The following KAZN variants were observed in gnomAD, a reference collection of about 807,000 sequenced individuals.
KAZN encodes the protein kazrin.
In KAZN, 40 loss-of-function variants were observed where a neutral mutation model predicts 87.4. That is an observed-to-expected ratio of 0.46 (90% CI 0.36 to 0.60). KAZN has a LOEUF of 0.60. KAZN is among the 20% of genes least tolerant of loss of function. KAZN has a pLI of 0.00. For missense variants in KAZN, 898 were observed against 1,073.9 expected, an observed-to-expected ratio of 0.84 and a Z score of 2.29; for synonymous variants, 466 against 458.3, an observed-to-expected ratio of 1.02 and a Z score of -0.22.
intron 2 of KAZN, among the ~76,000 whole-genome samples, chr1:14,222,702 C>T (rs1647132600): frequency 6.6e-6 from 1 of 152,188 alleles, no homozygotes. Context: ...TTTGGGGATT[C>T]AGCACAGATC....
chr1:14,444,306 ATTTTTTTT>A (rs35461813), intron 2 of KAZN, among the ~76,000 whole-genome samples: 1 of 95,238 alleles, frequency 1.0e-5, no homozygotes, highest in Admixed American at 1.3e-4. Flanking sequence ...TAAATTCATG[ATTTTTTTT>A]TTTTTTTTTT....
At chr1:14,183,648 G>A (rs941960385) in intron 2 of KAZN, among the ~76,000 whole-genome samples, 3 of 152,058 alleles carry the variant, frequency 2.0e-5, no homozygotes, top group African/African-American at 4.8e-5. Context: ...GTGTGACTCC[G>A]CATGCTAAGA....
chr1:14,365,060 T>G (rs1024921365), intron 2 of KAZN, among the ~76,000 whole-genome samples: 1 of 151,850 alleles, frequency 6.6e-6, no homozygotes, highest in East Asian at 1.9e-4. Flanking sequence ...TTTTTTTTTT[T>G]TGTGACGGAG....
intron 1 of KAZN, among the ~76,000 whole-genome samples, chr1:14,654,656 C>G (rs1638675525): frequency 6.6e-6 from 1 of 152,236 alleles, no homozygotes; most frequent in African/African-American, 2.4e-5. Flanking sequence ...CTCCTCCTCC[C>G]TGGACAGAGA....
At chr1:14,683,663 A>G (rs1640801558) in intron 1 of KAZN, among the ~76,000 whole-genome samples, 1 of 152,160 alleles carries the variant, frequency 6.6e-6, no homozygotes. Context: ...GGACTGTCTC[A>G]TCTTCTCCCC....
Position 14,385,783 on chromosome 1 carries a change from T to C in KAZN, c.249+205191T>C, listed in dbSNP as rs1256919558. 3.3e-5 allele frequency among the ~76,000 whole-genome samples: 5 copies of C among 150,538 alleles called. No individual in the cohort carries two copies. In the East Asian group the frequency reaches 7.9e-4, roughly 24 times the overall value. On this transcript the variant is annotated intron_variant, in intron 2 of 16. Coordinates refer to the KAZN transcript ENST00000636203. ...GTGGTGTGGTGCTGAAAAAAATGTATATTCTGTTGATTTGGGGTGGAGAGT... is the reference window on the plus strand; with the variant it reads ...GTGGTGTGGTGCTGAAAAAAATGTACATTCTGTTGATTTGGGGTGGAGAGT...
chr1:14,723,758 C>T (rs1426321568), intron 1 of KAZN, among the ~76,000 whole-genome samples: 1 of 152,286 alleles, frequency 6.6e-6, no homozygotes, highest in African/African-American at 2.4e-5. Context: ...CTCCTGATCC[C>T]AAAAGCTAGT....
intron 1 of KAZN, among the ~76,000 whole-genome samples, chr1:14,099,387 C>T (rs1335887418): frequency 6.6e-6 from 1 of 152,174 alleles, no homozygotes. Flanking sequence ...TGGTTCCCCA[C>T]TTCCTACTTA....
chr1:14,358,499 C>G (rs938727874), intron 2 of KAZN, among the ~76,000 whole-genome samples: 1 of 152,036 alleles, frequency 6.6e-6, no homozygotes, highest in Non-Finnish European at 1.5e-5. Context: ...TTCTCTAGTC[C>G]TTTTAATTGT....
At chr1:14,542,998 G>A (rs1313759340) in intron 2 of KAZN, among the ~76,000 whole-genome samples, 2 of 151,962 alleles carry the variant, frequency 1.3e-5, no homozygotes, top group Admixed American at 1.3e-4. Flanking sequence ...TGGGTTGGGG[G>A]GGTGGGGTAC....
chr1:15,000,833 G>C (rs969555583), intron 2 of KAZN, among the ~76,000 whole-genome samples: 2 of 152,042 alleles, frequency 1.3e-5, no homozygotes, highest in Non-Finnish European at 2.9e-5. Flanking sequence ...GCCGGGTGCA[G>C]TGGCTCACGC....
intron 1 of KAZN, among the ~76,000 whole-genome samples, chr1:14,921,907 T>C (rs1658568969): frequency 6.6e-6 from 1 of 152,198 alleles, no homozygotes; most frequent in African/African-American, 2.4e-5. Context: ...AGACGGGGTT[T>C]CACCATATTA....
intron 2 of KAZN, among the ~76,000 whole-genome samples, chr1:14,429,389 C>T (rs952466220): frequency 3.3e-5 from 5 of 152,172 alleles, no homozygotes; most frequent in African/African-American, 1.2e-4. Flanking sequence ...TCTTTTGAGT[C>T]AGTTGAACCT....
At chr1:14,349,601 A>T (rs915005620) in intron 2 of KAZN, among the ~76,000 whole-genome samples, 3 of 152,148 alleles carry the variant, frequency 2.0e-5, no homozygotes, top group Non-Finnish European at 4.4e-5. Context: ...TCTTGCACTG[A>T]GCCCACTTTG....
chr1:14,998,152 G>A (rs552574268), intron 2 of KAZN, among the ~76,000 whole-genome samples: 1 of 152,200 alleles, frequency 6.6e-6, no homozygotes, highest in African/African-American at 2.4e-5. Context: ...CAGACGGCGG[G>A]GGGGAGGGGC....
chr1:14,970,605 G>A (rs1664925751), intron 2 of KAZN, among the ~76,000 whole-genome samples: 1 of 152,216 alleles, frequency 6.6e-6, no homozygotes, highest in Non-Finnish European at 1.5e-5. Flanking sequence ...CAGGCAGCCA[G>A]GACGGCGCCT....
chr1:13,982,539 G>C lies in KAZN; in HGVS notation c.91+88783G>C, dbSNP rs147827554. On this transcript the variant is annotated intron_variant, in intron 1 of 16. Transcript: ENST00000636203. ...ACAAAGCTTCCACAGCATGGAAAGC[G>C]ACCCGAGGTGGTTGCCACTGCTGGC... 5.5e-4 allele frequency among the ~76,000 whole-genome samples: 84 copies of C among 152,286 alleles called. 1 individual carries two copies. Among genetic ancestry groups the C allele is most frequent in the African/African-American group, 1.9e-3 (77 of 41,546 alleles).
intron 1 of KAZN, among the ~76,000 whole-genome samples, chr1:13,996,563 C>G (rs1391875807): frequency 1.3e-5 from 2 of 152,314 alleles, no homozygotes; most frequent in African/African-American, 4.8e-5. Flanking sequence ...CTCCCACAGC[C>G]CAACACACCG....
chr1:14,063,919 G>A (rs1362688652), intron 1 of KAZN, among the ~76,000 whole-genome samples: 1 of 151,772 alleles, frequency 6.6e-6, no homozygotes, highest in East Asian at 1.9e-4. Flanking sequence ...GGCCTCCCCA[G>A]CCATGTGGAA....
Sources: allele counts gnomAD v4.1 joint callset (sites outside exome capture counted in the v4.1 genomes callset), GRCh38; gene constraint gnomAD v4.1.1; transcripts MANE v1.5; gene names NCBI Gene and HGNC (gene_info 2026-07-23, HGNC 2026-07-21).